The following CCDC171 variants were observed in gnomAD, a reference collection of about 807,000 sequenced individuals.
The protein encoded by CCDC171 is coiled-coil domain containing 171, also known as coiled-coil domain-containing protein 171.
CCDC171 carries 177 observed loss-of-function variants against 168.2 expected under a neutral mutation model. That is an observed-to-expected ratio of 1.05 (90% CI 0.93 to 1.19). The LOEUF (loss-of-function observed/expected upper bound fraction) is 1.19, where lower values mean the gene tolerates loss of function less well. Among genes scored for constraint, CCDC171 ranks in the 50% most tolerant of loss-of-function variants. The pLI is 0.00. For synonymous variants in CCDC171, 687 were observed against 540.8 expected (o/e 1.27, Z -3.75); for missense variants, 1,991 against 1,539.0 (o/e 1.29, Z -4.91).
At chr9:16,043,358 T>C (rs758768336) in intron 1 of CCDC171, among the ~76,000 whole-genome samples, 1 of 152,194 alleles carries the variant, frequency 6.6e-6, no homozygotes, top group Non-Finnish European at 1.5e-5. Flanking sequence ...CTATCATTTG[T>C]ATTAGGGAGC....
At chr9:15,757,421 A>G (rs1054941815) in intron 18 of CCDC171, among the ~76,000 whole-genome samples, 2 of 152,172 alleles carry the variant, frequency 1.3e-5, no homozygotes, top group African/African-American at 2.4e-5. Context: ...GATTTAAGGT[A>G]TCTGGTGGAA....
In CCDC171 at chr9:15,685,510, C is replaced by T. The variant is rs575459643; in HGVS notation, c.1215+6614C>T. ...ATGAGCTGTGCGTGGTGACGTGTGCCTGTAGTTCTAGCTACTTGGGAGGCT... is the reference window on the plus strand; with the variant it reads ...ATGAGCTGTGCGTGGTGACGTGTGCTTGTAGTTCTAGCTACTTGGGAGGCT... On this transcript the variant is annotated intron_variant, in intron 10 of 25. Coordinates refer to ENST00000380701, the MANE Select transcript of CCDC171 (RefSeq NM_173550.4). Among the ~76,000 whole-genome samples the T allele has an allele frequency of 2.6e-5, 4 of 152,146 alleles. No homozygotes were observed. The East Asian group carries it at 5.8e-4, about 22-fold the overall frequency.
chr9:15,626,089 G>C (rs1223692774), intron 7 of CCDC171, among the ~76,000 whole-genome samples: 3 of 152,080 alleles, frequency 2.0e-5, no homozygotes, highest in Admixed American at 1.3e-4. Context: ...AATCATGATT[G>C]GGAGTTCCAC....
At chr9:15,641,501 C>G (rs187758404) in intron 7 of CCDC171, among the ~76,000 whole-genome samples, 121 of 152,278 alleles carry the variant, frequency 7.9e-4, no homozygotes, top group African/African-American at 2.7e-3. Context: ...GGAAGAGGCC[C>G]ATGGAAACCA....
chr9:15,878,100 C>T (rs1818099781), intron 24 of CCDC171, among the ~76,000 whole-genome samples: 1 of 152,004 alleles, frequency 6.6e-6, no homozygotes, highest in African/African-American at 2.4e-5. Context: ...GTGCCAAAAG[C>T]AATTGCAACA....
chr9:15,587,555 A>G, intron 4 of CCDC171: 1 of 443,798 alleles, frequency 2.3e-6, no homozygotes, highest in East Asian at 7.1e-5. Flanking sequence ...TTTATCCAAA[A>G]AAACAGACGA....
intron 21 of CCDC171, among the ~76,000 whole-genome samples, chr9:15,839,667 A>G (rs1040196980): frequency 1.3e-5 from 2 of 152,180 alleles, no homozygotes; most frequent in African/African-American, 4.8e-5. Context: ...TTATAAGGGA[A>G]ATAACAACAG....
chr9:15,862,000 A>G (rs1304210486), intron 23 of CCDC171, among the ~76,000 whole-genome samples: 1 of 151,862 alleles, frequency 6.6e-6, no homozygotes, highest in Non-Finnish European at 1.5e-5. Context: ...CAGTTTTGCC[A>G]GGTATAGTGT....
At chr9:16,067,746 C>T in the CCDC171 span, among the ~76,000 whole-genome samples, 1 of 152,172 alleles carries the variant, frequency 6.6e-6, no homozygotes, top group Non-Finnish European at 1.5e-5. Flanking sequence ...TCGTTTTTCT[C>T]AGGTTTGTCA....
chr9:15,647,119 A>G (rs547556728), intron 7 of CCDC171, among the ~76,000 whole-genome samples: 70 of 152,342 alleles, frequency 4.6e-4, no homozygotes, highest in African/African-American at 1.6e-3. Flanking sequence ...GCTCAACTAC[A>G]TGGAAGCTGA....
At chr9:16,087,579 T>TTG in the CCDC171 span, among the ~76,000 whole-genome samples, 1 of 101,960 alleles carries the variant, frequency 9.8e-6, no homozygotes, top group African/African-American at 4.4e-5. Flanking sequence ...TTTTTTTTTT[T>TTG]GCTTTCCATT....
chr9:15,825,645 A>G lies in CCDC171; in HGVS notation c.3268-21057A>G, dbSNP rs1439709115. 4.6e-5 allele frequency among the ~76,000 whole-genome samples: 7 copies of G among 152,216 alleles called. No individual in the cohort carries two copies. In the East Asian group the frequency reaches 1.2e-3, roughly 25 times the overall value. On this transcript the variant is annotated intron_variant, in intron 21 of 25. Coordinates refer to ENST00000380701, the MANE Select transcript of CCDC171 (RefSeq NM_173550.4). ...AACTTCATTACCCTCCCTATTTCCA[A>G]TACAGGATTTTCTTTCAAGTTTGGG... is the stretch of plus-strand genomic sequence containing the variant.
intron 25 of CCDC171, among the ~76,000 whole-genome samples, chr9:15,923,801 C>T (rs1232115908): frequency 2.0e-5 from 3 of 151,196 alleles, no homozygotes; most frequent in Non-Finnish European, 1.5e-5. Flanking sequence ...CTTTTTTTCT[C>T]GCATTACAGG....
intron 2 of CCDC171, among the ~76,000 whole-genome samples, chr9:15,565,423 ATCC>A (rs1563948939): frequency 1.3e-5 from 2 of 152,240 alleles, no homozygotes; most frequent in East Asian, 3.9e-4. Context: ...GCCTCAGGCA[ATCC>A]TCCTGCATCA....
At chr9:15,628,512 A>G (rs948549211) in intron 7 of CCDC171, among the ~76,000 whole-genome samples, 1 of 152,188 alleles carries the variant, frequency 6.6e-6, no homozygotes, top group Non-Finnish European at 1.5e-5. Flanking sequence ...GCTTAGGTAA[A>G]CAAAGCAGCT....
intron 7 of CCDC171, among the ~76,000 whole-genome samples, chr9:15,640,931 C>G (rs2046558941): frequency 6.6e-6 from 1 of 151,712 alleles, no homozygotes; most frequent in Non-Finnish European, 1.5e-5. Context: ...CCTTCCCTGC[C>G]CAGGTAAAGA....
chr9:15,597,050 G>T lies in CCDC171; in HGVS notation c.675+2878G>T, dbSNP rs529015338. On this transcript the variant is annotated intron_variant, in intron 6 of 25. Coordinates refer to ENST00000380701, the MANE Select transcript of CCDC171 (RefSeq NM_173550.4). ...TCAGCTTAAGGAGATTTTGGGCTGAGACGATGGGGTTTTCTAGTTATACAA... is the reference window on the plus strand; with the variant it reads ...TCAGCTTAAGGAGATTTTGGGCTGATACGATGGGGTTTTCTAGTTATACAA... Among the ~76,000 whole-genome samples the T allele has an allele frequency of 3.3e-5, 5 of 152,214 alleles. No homozygotes were observed. In the East Asian group the frequency reaches 7.7e-4, roughly 24 times the overall value.
At chr9:15,636,665 C>G (rs1278275660) in intron 7 of CCDC171, among the ~76,000 whole-genome samples, 1 of 146,606 alleles carries the variant, frequency 6.8e-6, no homozygotes, top group Non-Finnish European at 1.5e-5. Flanking sequence ...GGGAGGATCA[C>G]TTGAGCCTGG....
chr9:15,795,588 G>T lies in CCDC171; in HGVS notation c.3267+10894G>T, dbSNP rs538421857. 2.0e-4 allele frequency among the ~76,000 whole-genome samples: 30 copies of T among 152,286 alleles called. 1 individual carries two copies. In the South Asian group the frequency reaches 5.6e-3, roughly 28 times the overall value. ...GAGCTGAACTCTAATTAGCTCATTG[G>T]GGTGTGCAAACCTAGCTGGAGGCCA... On this transcript the variant is annotated intron_variant, in intron 21 of 25. Coordinates refer to ENST00000380701, the MANE Select transcript of CCDC171 (RefSeq NM_173550.4).
Sources: gnomAD v4.1 joint callset for allele counts (sites outside exome capture counted in the v4.1 genomes callset) on GRCh38, gnomAD v4.1.1 for gene constraint, MANE v1.5 for transcripts, NCBI Gene and HGNC (gene_info 2026-07-23, HGNC 2026-07-21) for gene names.